The following C9orf153 variants were observed in gnomAD, a reference collection of about 807,000 sequenced individuals.
C9orf153 encodes the protein uncharacterized protein C9orf153.
C9orf153 carries 10 observed loss-of-function variants against 9.0 expected under a neutral mutation model. The ratio of observed to expected loss-of-function variants is 1.11; its 90% CI spans 0.69 to 1.89. The LOEUF (loss-of-function observed/expected upper bound fraction) is 1.89. C9orf153 is among the 40% of genes most tolerant of loss of function. The pLI is 0.00. For missense variants in C9orf153, 108 were observed against 111.0 expected (o/e 0.97, Z 0.12); for synonymous variants, 35 against 37.3 (o/e 0.94, Z 0.23).
intron 1 of C9orf153, among the ~76,000 whole-genome samples, chr9:86,251,960 G>C (rs1007840047): frequency 2.9e-5 from 3 of 103,130 alleles, no homozygotes; most frequent in African/African-American, 1.4e-4. Flanking sequence ...AGAGAGGAGA[G>C]GGGGAGAAGA....
At chr9:86,235,629 C>G (rs1054073445) in intron 1 of C9orf153, among the ~76,000 whole-genome samples, 1 of 150,230 alleles carries the variant, frequency 6.7e-6, no homozygotes, top group Non-Finnish European at 1.5e-5. Context: ...GAGGCATGTG[C>G]TACTCGGGAG....
intron 1 of C9orf153, among the ~76,000 whole-genome samples, chr9:86,245,842 G>GT (rs1824853319): frequency 6.6e-6 from 1 of 152,178 alleles, no homozygotes; most frequent in Non-Finnish European, 1.5e-5. Flanking sequence ...AATTCTCAAA[G>GT]TAAAAGCATG....
intron 1 of C9orf153, among the ~76,000 whole-genome samples, chr9:86,240,707 CTTTTTT>C (rs367674249): frequency 2.6e-4 from 31 of 117,026 alleles, no homozygotes; most frequent in Middle Eastern, 6.0e-3. Flanking sequence ...TTTTCTTTTT[CTTTTTT>C]TTTTTTTTTT....
At chr9:86,225,805 A>T (rs1279963238) in intron 3 of C9orf153, among the ~76,000 whole-genome samples, 1 of 152,128 alleles carries the variant, frequency 6.6e-6, no homozygotes, top group Non-Finnish European at 1.5e-5. Flanking sequence ...TTGAATAGAC[A>T]TGACATGTAC....
At chr9:86,225,883 T>C (rs1824319555) in intron 3 of C9orf153, among the ~76,000 whole-genome samples, 1 of 152,218 alleles carries the variant, frequency 6.6e-6, no homozygotes, top group African/African-American at 2.4e-5. Context: ...CAACACAGTT[T>C]GTGAGACCAC....
intron 1 of C9orf153, among the ~76,000 whole-genome samples, chr9:86,258,842 T>C (rs925087161): frequency 6.6e-6 from 1 of 151,290 alleles, no homozygotes; most frequent in African/African-American, 2.4e-5. Context: ...GCTTTCCCCT[T>C]TTTTTTTTAC....
At chr9:86,253,444 G>T (rs184916381) in intron 1 of C9orf153, among the ~76,000 whole-genome samples, 37 of 152,322 alleles carry the variant, frequency 2.4e-4, no homozygotes, top group Non-Finnish European at 4.9e-4. Flanking sequence ...AGGTATTACA[G>T]GCACAGTTTG....
chr9:86,234,597 A>G (rs1824539449), intron 1 of C9orf153, among the ~76,000 whole-genome samples: 1 of 152,220 alleles, frequency 6.6e-6, no homozygotes, highest in African/African-American at 2.4e-5. Context: ...GAGAGCTGAA[A>G]CTATAAAACT....
rs1824201014 is a variant in C9orf153 at position 86,221,440 on chromosome 9, G to A, written c.*248C>T. On this transcript the variant is annotated 3_prime_UTR_variant, in exon 4 of 4. Transcript: ENST00000339137. Reference sequence around the variant, plus strand: ...GGTACTTGGCTTCTTTACTTTTTGTGTATTAAATCAATGCTCTCAAAAGCA... The same window carrying A: ...GGTACTTGGCTTCTTTACTTTTTGTATATTAAATCAATGCTCTCAAAAGCA... 3.5e-6 allele frequency: 3 copies of A among 855,350 alleles called. No homozygotes were observed. Among genetic ancestry groups the A allele is most frequent in the Admixed American group, 4.1e-5 (1 of 24,508 alleles). 53.0% of individuals were successfully genotyped at this position (855,350 alleles called of 1,614,324 possible). A position where few individuals can be genotyped will look rare whatever the true frequency, so the allele number is the denominator to read the frequency against.
At chr9:86,229,237 T>C (rs1174664253) in intron 2 of C9orf153, among the ~76,000 whole-genome samples, 2 of 145,048 alleles carry the variant, frequency 1.4e-5, no homozygotes, top group African/African-American at 2.6e-5. Context: ...GATTGTTCTC[T>C]GGTTAATACA....
chr9:86,251,343 A>G (rs1037726357), intron 1 of C9orf153, among the ~76,000 whole-genome samples: 3 of 152,196 alleles, frequency 2.0e-5, no homozygotes, highest in African/African-American at 4.8e-5. Flanking sequence ...GTTAGAGTCT[A>G]TGTTTCTAAA....
intron 1 of C9orf153, among the ~76,000 whole-genome samples, chr9:86,250,394 A>G (rs933033566): frequency 2.0e-5 from 3 of 152,164 alleles, no homozygotes; most frequent in Admixed American, 6.5e-5. Flanking sequence ...GAGATAGCAC[A>G]TGGGAAAGGT....
intron 1 of C9orf153, among the ~76,000 whole-genome samples, chr9:86,239,252 T>A (rs1212950131): frequency 2.8e-5 from 4 of 140,966 alleles, no homozygotes; most frequent in African/African-American, 1.2e-4. Flanking sequence ...AGAGTGAGAC[T>A]CTGTTAAAAA....
chr9:86,236,677 A>G (rs1293783263), intron 1 of C9orf153, among the ~76,000 whole-genome samples: 1 of 152,126 alleles, frequency 6.6e-6, no homozygotes, highest in Non-Finnish European at 1.5e-5. Context: ...GAGAAGGATA[A>G]TCATGTAGGT....
chr9:86,242,650 T>C (rs1046233061), intron 1 of C9orf153, among the ~76,000 whole-genome samples: 3 of 152,172 alleles, frequency 2.0e-5, no homozygotes, highest in Non-Finnish European at 2.9e-5. Context: ...TTATGCATAG[T>C]TGTGAATTCA....
At chr9:86,242,378 G>A (rs543150278) in intron 1 of C9orf153, among the ~76,000 whole-genome samples, 5 of 151,608 alleles carry the variant, frequency 3.3e-5, no homozygotes, top group South Asian at 2.1e-4. Context: ...TTCTGCTGCC[G>A]CAAGACTTTC....
chr9:86,221,500 T>C lies in C9orf153; in HGVS notation c.*188A>G, dbSNP rs1824201947. On this transcript the variant is annotated 3_prime_UTR_variant, in exon 4 of 4. Transcript: ENST00000339137. ...GTCCAAAATATTTTAATACACTACA[T>C]ATTCCATTTAAGAGAATAACTTCCT... is the stretch of plus-strand genomic sequence containing the variant. 1 of 1,351,734 alleles carries C rather than the reference T, an allele frequency of 7.4e-7. No homozygotes were observed. 83.7% of individuals were successfully genotyped at this position (1,351,734 alleles called of 1,614,324 possible). A position where few individuals can be genotyped will look rare whatever the true frequency, so the allele number is the denominator to read the frequency against.
chr9:86,224,909 C>A (rs901944020), intron 3 of C9orf153, among the ~76,000 whole-genome samples: 2 of 145,106 alleles, frequency 1.4e-5, no homozygotes, highest in Non-Finnish European at 3.0e-5. Flanking sequence ...CCACTGCACT[C>A]CAGCCTGGGC....
intron 1 of C9orf153, among the ~76,000 whole-genome samples, chr9:86,244,368 T>C (rs1022033109): frequency 1.3e-5 from 2 of 152,152 alleles, no homozygotes; most frequent in South Asian, 4.1e-4. Flanking sequence ...GCCATTATGT[T>C]GGCCTCTTTC....
Sources: allele counts gnomAD v4.1 joint callset (sites outside exome capture counted in the v4.1 genomes callset), GRCh38; gene constraint gnomAD v4.1.1; transcripts MANE v1.5; gene names NCBI Gene and HGNC (gene_info 2026-07-23, HGNC 2026-07-21).